TRAPPC12: variants seen among roughly 807,000 people sequenced by gnomAD.
TRAPPC12 encodes the protein trafficking protein particle complex subunit 12, also known as TPR repeat protein 15.
In TRAPPC12, 61 loss-of-function variants were observed where a neutral mutation model predicts 69.2. The ratio of observed to expected loss-of-function variants is 0.88; its 90% CI spans 0.72 to 1.09. The LOEUF is 1.09. Among genes scored for constraint, TRAPPC12 ranks in the 50% least tolerant of loss-of-function variants. The probability of loss-of-function intolerance (pLI) is 0.00; values close to 1 mark genes in which losing one functional copy is unlikely to be tolerated. For synonymous variants in TRAPPC12, 469 were observed against 438.9 expected (o/e 1.07, Z -0.86); for missense variants, 1,101 against 1,016.4 (o/e 1.08, Z -1.13).
chr2:3,408,291 A>G (rs1303249483), intron 3 of TRAPPC12, among the ~76,000 whole-genome samples: 5 of 152,240 alleles, frequency 3.3e-5, no homozygotes, highest in African/African-American at 9.6e-5. Flanking sequence ...GGCAGCACAC[A>G]TTGTTGATTC....
chr2:3,386,194 G>C (rs545438845), intron 1 of TRAPPC12, among the ~76,000 whole-genome samples: 7 of 152,288 alleles, frequency 4.6e-5, no homozygotes, highest in African/African-American at 1.7e-4. Context: ...GTCTTATCTA[G>C]AGATCAGCTA....
chr2:3,425,176 C>A (rs1037137150), intron 5 of TRAPPC12, among the ~76,000 whole-genome samples: 1 of 152,176 alleles, frequency 6.6e-6, no homozygotes, highest in African/African-American at 2.4e-5. Context: ...TAGGGTAGTT[C>A]TAGGAGAGTG....
chr2:3,424,676 T>C lies in TRAPPC12; in HGVS notation c.1417+13T>C, dbSNP rs765742317. 12 of 1,573,394 alleles carry C rather than the reference T, an allele frequency of 7.6e-6. No homozygotes were observed. The highest frequency in any genetic ancestry group is 1.0e-5 in the Non-Finnish European group (12 of 1,162,554). On this transcript the variant is annotated intron_variant, in intron 5 of 11. Transcript: ENST00000324266. Reference sequence around the variant, plus strand: ...CCTGGGCGCAGGGGTAAGGCCATGGTATTTAATATTTGTACATTTGTCTGT... The same window carrying C: ...CCTGGGCGCAGGGGTAAGGCCATGGCATTTAATATTTGTACATTTGTCTGT...
chr2:3,418,067 A>G (rs1287979503), intron 3 of TRAPPC12, among the ~76,000 whole-genome samples: 1 of 142,954 alleles, frequency 7.0e-6, no homozygotes, highest in Non-Finnish European at 1.5e-5. Flanking sequence ...AAACATTGTC[A>G]TAGTGGCAGG....
intron 1 of TRAPPC12, among the ~76,000 whole-genome samples, chr2:3,384,550 T>C (rs1403772048): frequency 9.9e-5 from 15 of 152,240 alleles, no homozygotes; most frequent in Non-Finnish European, 1.8e-4. Flanking sequence ...AGATACTTTC[T>C]TGTGCATCTA....
At chr2:3,409,100 C>T (rs1381842357) in intron 3 of TRAPPC12, among the ~76,000 whole-genome samples, 5 of 152,192 alleles carry the variant, frequency 3.3e-5, no homozygotes, top group African/African-American at 1.2e-4. Flanking sequence ...GCCCTGGGCA[C>T]GTCACTGTCC....
chr2:3,464,845 C>T (rs988337011), intron 8 of TRAPPC12, among the ~76,000 whole-genome samples: 2 of 152,238 alleles, frequency 1.3e-5, no homozygotes, highest in Non-Finnish European at 1.5e-5. Context: ...GGCAGATGGA[C>T]AGTGAGACTG....
At chr2:3,478,981 C>G (rs749369455) in intron 11 of TRAPPC12, 48 bp downstream of exon 11, 1 of 1,581,500 alleles carries the variant, frequency 6.3e-7, no homozygotes, top group Admixed American at 1.7e-5. Flanking sequence ...CTTTCACAGA[C>G]GCTAGAAACA....
intron 5 of TRAPPC12, among the ~76,000 whole-genome samples, chr2:3,442,348 C>T (rs537651938): frequency 1.2e-3 from 180 of 152,280 alleles, no homozygotes; most frequent in Non-Finnish European, 2.0e-3. Context: ...CCCTTCTCTA[C>T]TTGAGACAGA....
intron 2 of TRAPPC12, among the ~76,000 whole-genome samples, chr2:3,400,115 T>C (rs1038331385): frequency 4.6e-5 from 7 of 152,336 alleles, no homozygotes; most frequent in Admixed American, 1.3e-4. Flanking sequence ...CAGCAGCTGC[T>C]GCGGGCCAGA....
At chr2:3,403,230 ATT>A (rs35354979) in intron 3 of TRAPPC12, among the ~76,000 whole-genome samples, 3 of 119,382 alleles carry the variant, frequency 2.5e-5, no homozygotes, top group Non-Finnish European at 3.4e-5. Flanking sequence ...GATTTCACCA[ATT>A]TTTTTTTTTT....
chr2:3,467,273 T>G (rs1356734046), intron 9 of TRAPPC12, among the ~76,000 whole-genome samples: 1 of 152,066 alleles, frequency 6.6e-6, no homozygotes, highest in Non-Finnish European at 1.5e-5. Flanking sequence ...CAAAGGAGAA[T>G]GGAGAAAAAG....
chr2:3,458,440 C>T (rs1426714808), intron 7 of TRAPPC12: 18 of 985,928 alleles, frequency 1.8e-5, no homozygotes, highest in Non-Finnish European at 1.9e-5. Context: ...AAGTCAAGAT[C>T]GGGTGGTCTC....
At chr2:3,457,545 G>GA in intron 6 of TRAPPC12, 76 bp from the exon 7 acceptor site, 1 of 1,202,024 alleles carries the variant, frequency 8.3e-7, no homozygotes, top group Non-Finnish European at 1.2e-6. Flanking sequence ...TTGCTGTACT[G>GA]AGATTATATT....
intron 2 of TRAPPC12, among the ~76,000 whole-genome samples, chr2:3,400,479 C>G (rs776220157): frequency 2.6e-5 from 4 of 152,176 alleles, no homozygotes; most frequent in Non-Finnish European, 4.4e-5. Context: ...CTGCCCCTGC[C>G]TCAGGTGTTT....
chr2:3,454,081 C>A (rs565762693), intron 6 of TRAPPC12, among the ~76,000 whole-genome samples: 3 of 152,238 alleles, frequency 2.0e-5, no homozygotes, highest in African/African-American at 7.2e-5. Context: ...TTCCTGTCAA[C>A]AATAGGGGCT....
intron 11 of TRAPPC12, 89 bp from the exon 12 acceptor site, chr2:3,479,130 G>A: frequency 3.8e-6 from 6 of 1,558,932 alleles, no homozygotes; most frequent in East Asian, 2.3e-5. Context: ...CCACCCCCAG[G>A]CCCCTAACAC....
intron 4 of TRAPPC12, among the ~76,000 whole-genome samples, chr2:3,422,495 G>A (rs537069005): frequency 6.6e-6 from 1 of 152,350 alleles, no homozygotes; most frequent in South Asian, 2.1e-4. Flanking sequence ...CTGAGAAGAA[G>A]GAACAGCTGC....
intron 9 of TRAPPC12, chr2:3,467,917 C>T (rs978768421): frequency 6.6e-5 from 10 of 152,426 alleles, no homozygotes; most frequent in African/African-American, 2.2e-4. Flanking sequence ...CAGCACGTCC[C>T]TCGTCCCCCG....
Sources: allele counts gnomAD v4.1 joint callset (sites outside exome capture counted in the v4.1 genomes callset), GRCh38; gene constraint gnomAD v4.1.1; transcripts MANE v1.5; gene names NCBI Gene and HGNC (gene_info 2026-07-23, HGNC 2026-07-21).